Variants in CECR2 observed in about 807,000 individuals in gnomAD.
CECR2 encodes CECR2 histone acetyl-lysine reader.
A neutral mutation model predicts 154.5 loss-of-function variants in CECR2; 30 were observed. That is an observed-to-expected ratio of 0.19 (90% confidence interval 0.15 to 0.26). CECR2 has a LOEUF of 0.26. CECR2 is among the 10% of genes least tolerant of loss of function. The probability of loss-of-function intolerance (pLI) is 1.00; values close to 1 mark genes in which losing one functional copy is unlikely to be tolerated. For synonymous variants in CECR2, 725 were observed against 683.7 expected (o/e 1.06, Z -0.94); for missense variants, 1,743 against 1,829.3 (o/e 0.95, Z 0.86).
chr22:17,424,389 C>G (rs770396826), intron 1 of CECR2: 1 of 190,480 alleles, frequency 5.2e-6, no homozygotes, highest in African/African-American at 2.3e-5. Flanking sequence ...GGTCATCTCC[C>G]TCAATTGCAG....
intron 2 of CECR2, among the ~76,000 whole-genome samples, chr22:17,486,376 G>C (rs561218103): frequency 7.0e-4 from 107 of 152,336 alleles, no homozygotes; most frequent in African/African-American, 2.5e-3. Flanking sequence ...ATTTTCCTGG[G>C]TGTAAGGCGT....
intron 1 of CECR2, among the ~76,000 whole-genome samples, chr22:17,376,790 C>T: frequency 6.6e-6 from 1 of 151,986 alleles, no homozygotes; most frequent in Non-Finnish European, 1.5e-5. Context: ...AGACATGTGC[C>T]ATCTGCCTGG....
At chr22:17,502,036 T>G (rs1200384406) in intron 5 of CECR2, among the ~76,000 whole-genome samples, 1 of 152,226 alleles carries the variant, frequency 6.6e-6, no homozygotes, top group Non-Finnish European at 1.5e-5. Flanking sequence ...ATTTTCATTC[T>G]CATAGAAACT....
intron 1 of CECR2, among the ~76,000 whole-genome samples, chr22:17,370,872 C>T (rs934376382): frequency 3.9e-5 from 6 of 152,206 alleles, no homozygotes; most frequent in African/African-American, 1.4e-4. Flanking sequence ...GTTGAATTGC[C>T]TTCTCTTCTA....
At chr22:17,362,516 A>G (rs1295618482) in intron 1 of CECR2, among the ~76,000 whole-genome samples, 1 of 151,180 alleles carries the variant, frequency 6.6e-6, no homozygotes, top group Admixed American at 6.6e-5. Context: ...ACCAGATTTC[A>G]AAGACTTGGC....
chr22:17,520,855 G>A (rs1028893270), intron 8 of CECR2, among the ~76,000 whole-genome samples: 1 of 152,106 alleles, frequency 6.6e-6, no homozygotes, highest in African/African-American at 2.4e-5. Flanking sequence ...GACAATTTGG[G>A]TTGGTTCCAA....
chr22:17,360,248 C>T (rs1365013606), intron 1 of CECR2, among the ~76,000 whole-genome samples: 1 of 152,240 alleles, frequency 6.6e-6, no homozygotes, highest in African/African-American at 2.4e-5. Flanking sequence ...TCTGCAGTCC[C>T]ATCTACTTGG....
intron 1 of CECR2, among the ~76,000 whole-genome samples, chr22:17,455,392 A>G (rs552296120): frequency 9.9e-5 from 15 of 152,226 alleles, no homozygotes; most frequent in Non-Finnish European, 1.9e-4. Flanking sequence ...CCTCTACTTT[A>G]CTTTTTAAAC....
chr22:17,449,524 C>T (rs2054733371), intron 1 of CECR2, among the ~76,000 whole-genome samples: 1 of 114,580 alleles, frequency 8.7e-6, no homozygotes, highest in Admixed American at 1.2e-4. Context: ...GAGTCTTGCT[C>T]TGTCGCCCAG....
intron 13 of CECR2, 80 bp from the exon 14 acceptor site, chr22:17,540,332 T>C: frequency 7.8e-7 from 1 of 1,283,476 alleles, no homozygotes; most frequent in Non-Finnish European, 1.0e-6. Flanking sequence ...GTTCTGTTTC[T>C]ATAGTTTCTA....
At chr22:17,465,726 C>T (rs1325411513) in intron 1 of CECR2, among the ~76,000 whole-genome samples, 1 of 151,220 alleles carries the variant, frequency 6.6e-6, no homozygotes, top group Non-Finnish European at 1.5e-5. Flanking sequence ...CTCGTGATCC[C>T]CCCGCCTCAG....
At chr22:17,405,394 G>A (rs897827013) in intron 1 of CECR2, among the ~76,000 whole-genome samples, 2 of 150,700 alleles carry the variant, frequency 1.3e-5, no homozygotes, top group African/African-American at 2.4e-5. Context: ...CATGGGCAAC[G>A]AGAGCGAAAC....
intron 2 of CECR2, among the ~76,000 whole-genome samples, chr22:17,481,585 C>T (rs896757175): frequency 6.6e-6 from 1 of 152,060 alleles, no homozygotes; most frequent in Non-Finnish European, 1.5e-5. Context: ...GAACAGGGGC[C>T]AGCAAATGTT....
At chr22:17,427,546 G>A (rs2054350653) in intron 1 of CECR2, among the ~76,000 whole-genome samples, 1 of 152,000 alleles carries the variant, frequency 6.6e-6, no homozygotes, top group Non-Finnish European at 1.5e-5. Flanking sequence ...TTGTGGTCTC[G>A]CTGACTTTAG....
At chr22:17,458,106 C>A (rs947930237) in intron 1 of CECR2, among the ~76,000 whole-genome samples, 1 of 151,960 alleles carries the variant, frequency 6.6e-6, no homozygotes, top group Non-Finnish European at 1.5e-5. Context: ...CTGCATGACT[C>A]AATACATATG....
At chr22:17,398,634 C>G (rs1389868561) in intron 1 of CECR2, among the ~76,000 whole-genome samples, 1 of 152,174 alleles carries the variant, frequency 6.6e-6, no homozygotes, top group African/African-American at 2.4e-5. Flanking sequence ...AGCCCTTACA[C>G]TCAGTTTTCT....
chr22:17,494,526 C>T (rs900651679), intron 2 of CECR2, among the ~76,000 whole-genome samples: 15 of 152,108 alleles, frequency 9.9e-5, no homozygotes, highest in African/African-American at 2.7e-4. Context: ...GGCCGGTGCT[C>T]GTGTGCTGAA....
At chr22:17,551,748 T>G (rs1249642608) in intron 17 of CECR2, among the ~76,000 whole-genome samples, 1 of 151,908 alleles carries the variant, frequency 6.6e-6, no homozygotes. Context: ...CAGTAAACCA[T>G]GATCCTGCCA....
chr22:17,382,182 G>A (rs377373037), intron 1 of CECR2, among the ~76,000 whole-genome samples: 2,878 of 152,110 alleles, frequency 0.019, 25 homozygotes, highest in Non-Finnish European at 0.03. Flanking sequence ...GAGCCACTGT[G>A]CCCGGCCAGA....
Sources: gnomAD v4.1 joint callset for allele counts (sites outside exome capture counted in the v4.1 genomes callset) on GRCh38, gnomAD v4.1.1 for gene constraint, MANE v1.5 for transcripts, NCBI Gene and HGNC (gene_info 2026-07-23, HGNC 2026-07-21) for gene names.